The following WDR37 variants were observed in gnomAD, a reference collection of about 807,000 sequenced individuals.
WDR37 encodes the protein WD repeat domain 37.
Under a neutral mutation model 62.9 loss-of-function variants are expected in WDR37, and 19 were observed. The ratio of observed to expected loss-of-function variants is 0.30; its 90% CI spans 0.21 to 0.44. The LOEUF is 0.44. Ranked by LOEUF, WDR37 falls within the 20% of genes least tolerant of loss-of-function variation. WDR37 has a pLI of 1.00. For missense variants in WDR37, 474 were observed against 657.6 expected, an observed-to-expected ratio of 0.72 and a Z score of 3.05; for synonymous variants, 250 against 260.9, an observed-to-expected ratio of 0.96 and a Z score of 0.40.
At chr10:1,057,313 G>GGGCGCCGGAGGGCCCGGGGC (rs1554821954) in intron 1 of WDR37, among the ~76,000 whole-genome samples, 1 of 146,512 alleles carries the variant, frequency 6.8e-6, no homozygotes, top group Non-Finnish European at 1.5e-5. Context: ...GGAAGAGTCG[G>GGGCGCCGGAGGGCCCGGGGC]GGCGCTGGAG....
intron 2 of WDR37, chr10:1,074,264 A>G: frequency 1.8e-6 from 2 of 1,116,492 alleles, no homozygotes; most frequent in South Asian, 1.6e-5. Context: ...CATGTTCTAG[A>G]GTTGTCTCCT....
rs879788239 is a variant in WDR37, at chr10:1,105,672, G to A, written c.1103+405G>A. Among the ~76,000 whole-genome samples the A allele has an allele frequency of 7.2e-5, 11 of 152,144 alleles. No homozygotes were observed. The highest frequency in any genetic ancestry group is 1.3e-4 in the Admixed American group (2 of 15,272). On this transcript the variant is annotated intron_variant, in intron 11 of 13. Transcript: ENST00000263150. This position sits in a 1 kb window ranked among gnomAD's most constrained non-coding sequence, Gnocchi z 5.3. ...TTCCATCTAGTTTTTGTTATTACACGTGTCTGCGTGGTATATTCTGGGAGA... is the reference window on the plus strand; with the variant it reads ...TTCCATCTAGTTTTTGTTATTACACATGTCTGCGTGGTATATTCTGGGAGA...
intron 11 of WDR37, among the ~76,000 whole-genome samples, chr10:1,112,951 G>A (rs1246416814): frequency 2.0e-5 from 3 of 152,270 alleles, no homozygotes; most frequent in Non-Finnish European, 2.9e-5. Context: ...ATCCAGCTGG[G>A]ATCATCGATG....
chr10:1,098,643 TAGA>T (rs1834682144), intron 9 of WDR37, among the ~76,000 whole-genome samples: 1 of 152,140 alleles, frequency 6.6e-6, no homozygotes, highest in African/African-American at 2.4e-5. Flanking sequence ...CTAATATTAA[TAGA>T]AGAGCCCCTG....
intron 9 of WDR37, among the ~76,000 whole-genome samples, chr10:1,101,984 G>A (rs934006922): frequency 6.6e-6 from 1 of 151,490 alleles, no homozygotes; most frequent in African/African-American, 2.4e-5. Context: ...ATGTGTTCCC[G>A]TGCTGCCCTG....
intron 11 of WDR37, among the ~76,000 whole-genome samples, chr10:1,115,856 G>T (rs1013895950): frequency 6.6e-6 from 1 of 152,180 alleles, no homozygotes; most frequent in African/African-American, 2.4e-5. Flanking sequence ...AAGGGCCTCT[G>T]GGGCGGAAGT....
Position 1,094,919 on chromosome 10 carries a change from G to A in WDR37, c.650-1251G>A, listed in dbSNP as rs548339135. Among the ~76,000 whole-genome samples, 5 of 152,120 alleles carry A rather than the reference G, an allele frequency of 3.3e-5. No individual in the cohort carries two copies. The East Asian group carries it at 9.7e-4, about 29-fold the overall frequency. On this transcript the variant is annotated intron_variant, in intron 8 of 13. Transcript: ENST00000263150. ...ACATGAGGTAATGAACATGGAGAGAGGAGAGTTAGACTTGGAAACAGGAGG... is the reference window on the plus strand; with the variant it reads ...ACATGAGGTAATGAACATGGAGAGAAGAGAGTTAGACTTGGAAACAGGAGG...
rs745949225 is a variant in WDR37 at position 1,103,575 on chromosome 10, C to T, written c.727-27C>T. 6.2e-6 allele frequency: 10 copies of T among 1,606,362 alleles called. No individual in the cohort carries two copies. The Admixed American group carries it at 1.0e-4, about 16-fold the overall frequency. ...CTCAAGATTTCCAGGAAATGTCTTT[C>T]TTTTCTGGCCTTCCCTTTGGCAGCA... On this transcript the variant is annotated intron_variant, in intron 9 of 13. Transcript: ENST00000263150. The surrounding 1 kb of genome is among the most constrained non-coding windows in gnomAD (Gnocchi z 6.3).
intron 11 of WDR37, among the ~76,000 whole-genome samples, chr10:1,108,165 C>G (rs4880767): frequency 0.67 from 102,221 of 152,176 alleles, 34,896 homozygotes; most frequent in Non-Finnish European, 0.74. Flanking sequence ...CTATGGCATC[C>G]TTTATCTGGT....
chr10:1,129,686 T>G lies in WDR37; in HGVS notation c.*342T>G. The G allele has an allele frequency of 5.4e-6, 1 of 184,504 alleles. No homozygotes were observed. Among genetic ancestry groups the G allele is most frequent in the South Asian group, 1.1e-4 (1 of 8,882 alleles). The allele number at this position is 184,504 out of a possible 1,614,324, so 11.4% of individuals were successfully genotyped here. A position where few individuals can be genotyped will look rare whatever the true frequency, so the allele number is the denominator to read the frequency against. ...GTGAATTAAATGTGAACTTCTGTATTACGTTGCGGCGTCGGCAGTCCTGCG... is the reference window on the plus strand; with the variant it reads ...GTGAATTAAATGTGAACTTCTGTATGACGTTGCGGCGTCGGCAGTCCTGCG... On this transcript the variant is annotated 3_prime_UTR_variant, in exon 14 of 14. Transcript: ENST00000263150.
chr10:1,104,425 T>G (rs947204185), intron 10 of WDR37, among the ~76,000 whole-genome samples: 8 of 152,222 alleles, frequency 5.3e-5, no homozygotes, highest in Non-Finnish European at 8.8e-5. Context: ...CAGCAGCCGC[T>G]TTCCTCTGCA....
In WDR37 at chr10:1,126,134, A is replaced by G. The variant is rs557731568; in HGVS notation, c.1353+1110A>G. On this transcript the variant is annotated intron_variant, in intron 13 of 13. Coordinates refer to ENST00000263150, the MANE Select transcript of WDR37 (RefSeq NM_014023.4). ...CTCCCCGGGGTCAGTGGCTGGTCGC[A>G]GTGGCTGACGCCTGTAATCGTAGCA... Among the ~76,000 whole-genome samples the G allele has an allele frequency of 8.9e-4, 135 of 152,256 alleles. 1 individual carries two copies. Among genetic ancestry groups the G allele is most frequent in the Non-Finnish European group, 1.2e-3 (82 of 67,998 alleles).
At chr10:1,100,315 C>T (rs1458047791) in intron 9 of WDR37, among the ~76,000 whole-genome samples, 1 of 152,046 alleles carries the variant, frequency 6.6e-6, no homozygotes, top group Non-Finnish European at 1.5e-5. Flanking sequence ...GTTGGGCCCT[C>T]CCTAATAAGG....
intron 2 of WDR37, among the ~76,000 whole-genome samples, chr10:1,076,242 T>C (rs1161108277): frequency 2.6e-5 from 4 of 152,184 alleles, no homozygotes; most frequent in Non-Finnish European, 4.4e-5. Flanking sequence ...TGTGCGTGTG[T>C]GTGTGTGGTT....
At chr10:1,059,922 A>G (rs966549994) in intron 1 of WDR37, among the ~76,000 whole-genome samples, 2 of 151,830 alleles carry the variant, frequency 1.3e-5, no homozygotes, top group African/African-American at 4.8e-5. Flanking sequence ...TCAGCTCACC[A>G]CTGCCTCCAC....
Position 1,121,926 on chromosome 10 carries a change from A to G in WDR37, c.1104-2292A>G, listed in dbSNP as rs1835594759. Among the ~76,000 whole-genome samples, 1 of 152,088 alleles carries G rather than the reference A, an allele frequency of 6.6e-6. No individual in the cohort carries two copies. The highest frequency in any genetic ancestry group is 1.5e-5 in the Non-Finnish European group (1 of 68,012). On this transcript the variant is annotated intron_variant, in intron 11 of 13. Transcript: ENST00000263150. The surrounding 1 kb of genome is among the most constrained non-coding windows in gnomAD (Gnocchi z 4.5). ...TGCCAGGTGTTGTTGACGCACCTTG[A>G]TTCTCAGTAGCTTTGCTGTACTTTG...
In WDR37 at chr10:1,103,843, G is replaced by C; in HGVS notation, c.961+7G>C. The C allele has an allele frequency of 1.9e-6, 3 of 1,613,108 alleles. 1 individual carries two copies. Among genetic ancestry groups the C allele is most frequent in the Non-Finnish European group, 2.5e-6 (3 of 1,179,168 alleles). ...CTCGTTCACTCTCTGACAGGTGCCT[G>C]GGTTCTCTGAGTCCGCCGCCTCCTG... On this transcript the variant is annotated splice_region_variant and intron_variant, in intron 10 of 13. Transcript: ENST00000263150. The surrounding 1 kb of genome is among the most constrained non-coding windows in gnomAD (Gnocchi z 6.3).
At chr10:1,095,667 G>A (rs541893007) in intron 8 of WDR37, among the ~76,000 whole-genome samples, 6 of 152,268 alleles carry the variant, frequency 3.9e-5, no homozygotes, top group Admixed American at 3.9e-4. Context: ...CCAATCCTCA[G>A]TCAAAGCGTT....
rs1212743805 is a variant in WDR37 at position 1,130,457 on chromosome 10, C to T, written c.*1113C>T. The T allele has an allele frequency of 6.6e-6, 1 of 152,654 alleles. No homozygotes were observed. Among genetic ancestry groups the T allele is most frequent in the Non-Finnish European group, 1.5e-5 (1 of 68,078 alleles). The allele number at this position is 152,654 out of a possible 1,614,324, so 9.5% of individuals were successfully genotyped here. A position where few individuals can be genotyped will look rare whatever the true frequency, so the allele number is the denominator to read the frequency against. On this transcript the variant is annotated 3_prime_UTR_variant, in exon 14 of 14. Transcript: ENST00000263150. ...CCCCGGTGACGAGACACTTCCAGGT[C>T]TTGTGGTGGGGACGCCTCTCAGTGC...
Sources: gnomAD v4.1 joint callset for allele counts (sites outside exome capture counted in the v4.1 genomes callset) on GRCh38, gnomAD v4.1.1 for gene constraint, Gnocchi (gnomAD v3.1) non-coding constraint, MANE v1.5 for transcripts, NCBI Gene and HGNC (gene_info 2026-07-23, HGNC 2026-07-21) for gene names.